Variants in MAP2 observed in about 807,000 individuals in gnomAD.
MAP2 encodes microtubule-associated protein 2.
A neutral mutation model predicts 137.6 loss-of-function variants in MAP2; 14 were observed. The observed-to-expected ratio is 0.10, with a 90% CI of 0.07 to 0.16. The LOEUF is 0.16. MAP2 is among the 10% of genes least tolerant of loss of function. The pLI is 1.00. For missense variants in MAP2, 2,088 were observed against 2,191.5 expected (o/e 0.95, Z 0.94); for synonymous variants, 786 against 782.3 (o/e 1.00, Z -0.08).
At chr2:209,572,242 A>G (rs965660945) in intron 2 of MAP2, among the ~76,000 whole-genome samples, 6 of 152,104 alleles carry the variant, frequency 3.9e-5, no homozygotes, top group Non-Finnish European at 7.4e-5. Context: ...TGGTTGGAAT[A>G]AATTCATCCT....
chr2:209,575,962 G>A (rs2075309081), intron 2 of MAP2, among the ~76,000 whole-genome samples: 2 of 152,192 alleles, frequency 1.3e-5, no homozygotes, highest in South Asian at 2.1e-4. Flanking sequence ...TGATCTATGA[G>A]CAAAGGCTTT....
chr2:209,630,892 T>A (rs1452740186), intron 4 of MAP2, among the ~76,000 whole-genome samples: 1 of 150,788 alleles, frequency 6.6e-6, no homozygotes, highest in Admixed American at 6.6e-5. Flanking sequence ...TCTTCCATAT[T>A]GGTTGGTGCT....
At chr2:209,617,185 G>A (rs2089756999) in intron 3 of MAP2, among the ~76,000 whole-genome samples, 1 of 152,134 alleles carries the variant, frequency 6.6e-6, no homozygotes, top group African/African-American at 2.4e-5. Flanking sequence ...TATGACTTGT[G>A]TTGGAGAAGA....
intron 2 of MAP2, among the ~76,000 whole-genome samples, chr2:209,540,562 C>T (rs1173626904): frequency 4.2e-5 from 5 of 117,828 alleles, no homozygotes; most frequent in African/African-American, 1.4e-4. Flanking sequence ...ACCCAGGAGG[C>T]GGAGGTTGCA....
intron 2 of MAP2, among the ~76,000 whole-genome samples, chr2:209,573,265 C>CA (rs1559335993): frequency 1.4e-5 from 2 of 141,436 alleles, no homozygotes. Context: ...TTTTATCTTT[C>CA]TTTTTTTTTC....
intron 2 of MAP2, among the ~76,000 whole-genome samples, chr2:209,557,794 G>A (rs2071032160): frequency 1.3e-5 from 2 of 152,138 alleles, no homozygotes; most frequent in Admixed American, 6.5e-5. Flanking sequence ...GAGCAGTGTG[G>A]GAGTGGAAAA....
intron 1 of MAP2, among the ~76,000 whole-genome samples, chr2:209,485,006 A>G (rs1462886053): frequency 6.6e-6 from 1 of 152,258 alleles, no homozygotes; most frequent in Non-Finnish European, 1.5e-5. Flanking sequence ...TGTGGCAGAC[A>G]CACAACAGAA....
At chr2:209,434,467 G>A (rs1695159647) in intron 1 of MAP2, among the ~76,000 whole-genome samples, 1 of 151,078 alleles carries the variant, frequency 6.6e-6, no homozygotes, top group Non-Finnish European at 1.5e-5. Flanking sequence ...TTTATTTTTA[G>A]GATTATTTTT....
intron 7 of MAP2, among the ~76,000 whole-genome samples, chr2:209,687,572 A>G (rs2057430445): frequency 6.6e-6 from 1 of 152,124 alleles, no homozygotes; most frequent in Non-Finnish European, 1.5e-5. Flanking sequence ...ATCCTCCATC[A>G]GCTTGATCTT....
At chr2:209,691,283 C>T (rs768298967) in intron 7 of MAP2, among the ~76,000 whole-genome samples, 3 of 152,034 alleles carry the variant, frequency 2.0e-5, no homozygotes, top group Non-Finnish European at 2.9e-5. Context: ...ATGGTGGAAT[C>T]GTTTTTGTTT....
intron 3 of MAP2, among the ~76,000 whole-genome samples, chr2:209,583,147 G>GTCTATCTATCTATCTATCTATCTA (rs3036663): frequency 3.1e-4 from 45 of 147,260 alleles, no homozygotes; most frequent in African/African-American, 3.8e-4. Flanking sequence ...CTGTCTGTCT[G>GTCTATCTATCTATCTATCTATCTA]TCTATCTATC....
At chr2:209,653,101 A>G (rs2094916795) in intron 4 of MAP2, 41 bp from the exon 5 acceptor site, 1 of 1,469,154 alleles carries the variant, frequency 6.8e-7, no homozygotes, top group African/African-American at 1.4e-5. Flanking sequence ...TCAGATCAGA[A>G]GATTTCCCCA....
intron 1 of MAP2, among the ~76,000 whole-genome samples, chr2:209,477,721 G>A (rs1707647749): frequency 6.6e-6 from 1 of 152,056 alleles, no homozygotes; most frequent in Non-Finnish European, 1.5e-5. Context: ...TAAAGGTTGG[G>A]TATGGTGGCT....
At chr2:209,460,408 T>C (rs1416325080) in intron 1 of MAP2, among the ~76,000 whole-genome samples, 1 of 152,154 alleles carries the variant, frequency 6.6e-6, no homozygotes, top group African/African-American at 2.4e-5. Context: ...AGGTAGACAC[T>C]GGCCCTAGAA....
At chr2:209,529,648 A>G (rs1235074263) in intron 2 of MAP2, among the ~76,000 whole-genome samples, 2 of 152,142 alleles carry the variant, frequency 1.3e-5, no homozygotes, top group Non-Finnish European at 2.9e-5. Context: ...ATCTAAAATA[A>G]GTGGGAGGCA....
At chr2:209,718,171 G>A (rs2068534613) in intron 13 of MAP2, among the ~76,000 whole-genome samples, 1 of 152,120 alleles carries the variant, frequency 6.6e-6, no homozygotes, top group African/African-American at 2.4e-5. Flanking sequence ...GCTAGGTTGA[G>A]TAAATACTAA....
intron 4 of MAP2, among the ~76,000 whole-genome samples, chr2:209,648,388 C>T (rs187469547): frequency 9.2e-5 from 14 of 152,122 alleles, no homozygotes; most frequent in Non-Finnish European, 1.6e-4. Flanking sequence ...CGTGAGCCAC[C>T]GGTGCCTGGC....
intron 14 of MAP2, among the ~76,000 whole-genome samples, chr2:209,729,027 G>T (rs2075144389): frequency 6.6e-6 from 1 of 152,320 alleles, no homozygotes; most frequent in Non-Finnish European, 1.5e-5. Context: ...CGAGTAACTT[G>T]CCCAGTGTAG....
At chr2:209,707,726 A>G (rs1022618149) in intron 12 of MAP2, among the ~76,000 whole-genome samples, 2 of 152,198 alleles carry the variant, frequency 1.3e-5, no homozygotes, top group African/African-American at 4.8e-5. Flanking sequence ...TACAATAAAA[A>G]TTGGTCATAT....
Sources: allele counts gnomAD v4.1 joint callset (sites outside exome capture counted in the v4.1 genomes callset), GRCh38; gene constraint gnomAD v4.1.1; transcripts MANE v1.5; gene names NCBI Gene and HGNC (gene_info 2026-07-23, HGNC 2026-07-21).